PCSK1: variants seen among roughly 807,000 people sequenced by gnomAD.
PCSK1 encodes the protein proprotein convertase subtilisin/kexin type 1.
In PCSK1, 56 loss-of-function variants were observed where a neutral mutation model predicts 90.6. The ratio of observed to expected loss-of-function variants is 0.62; its 90% CI spans 0.50 to 0.77. PCSK1 has a LOEUF of 0.77. Ranked by LOEUF, PCSK1 falls within the 30% of genes least tolerant of loss-of-function variation. The probability of loss-of-function intolerance (pLI) is 0.00; values close to 1 mark genes in which losing one functional copy is unlikely to be tolerated. For missense variants in PCSK1, 801 were observed against 932.6 expected, an observed-to-expected ratio of 0.86 and a Z score of 1.84; for synonymous variants, 348 against 342.4, an observed-to-expected ratio of 1.02 and a Z score of -0.18.
intron 12 of PCSK1, among the ~76,000 whole-genome samples, chr5:96,395,416 C>G (rs1760102070): frequency 6.6e-6 from 1 of 152,114 alleles, no homozygotes; most frequent in African/African-American, 2.4e-5. Context: ...TTAATAAGCC[C>G]TTAAAAATTG....
At chr5:96,413,924 C>G (rs1387900593) in intron 6 of PCSK1, among the ~76,000 whole-genome samples, 10 of 145,484 alleles carry the variant, frequency 6.9e-5, no homozygotes, top group Non-Finnish European at 1.2e-4. Context: ...TCGAGACCAT[C>G]CTGGCTAACA....
At position 96,410,882 on chromosome 5, in the gene PCSK1, G is replaced by C; in HGVS notation, c.987C>G (p.Ile329Met). Residue 329 changes from isoleucine (I) to methionine (M), a missense_variant, in exon 8 of 14, where the codon ATC becomes ATG. Transcript: ENST00000311106. ...CTTGCTGGGAGGCACTGCTGATGGAGATGGTGTAGATGCTGTCTGTGTAGC... is the reference window on the plus strand; with the variant it reads ...CTTGCTGGGAGGCACTGCTGATGGACATGGTGTAGATGCTGTCTGTGTAGC... ...CDGYTDSIYT[I>M]SISSASQQGL... 1.2e-6 allele frequency: 2 copies of C among 1,613,818 alleles called. No homozygotes were observed. Among genetic ancestry groups the C allele is most frequent in the Non-Finnish European group, 1.7e-6 (2 of 1,179,718 alleles).
chr5:96,429,048 T>A (rs1469638972), intron 2 of PCSK1, among the ~76,000 whole-genome samples, 165 bp downstream of exon 2: 1 of 152,124 alleles, frequency 6.6e-6, no homozygotes, highest in Non-Finnish European at 1.5e-5. Context: ...TATTATTATG[T>A]GCCATTATAA....
intron 9 of PCSK1, among the ~76,000 whole-genome samples, chr5:96,401,804 G>C (rs1445973224): frequency 6.6e-6 from 1 of 152,220 alleles, no homozygotes; most frequent in South Asian, 2.1e-4. Flanking sequence ...TATCCATCTT[G>C]TTCTCTGATG....
rs376401160 is a variant in PCSK1 at position 96,412,420 on chromosome 5, G to A, written c.780C>T (p.His260=). ...CCCAGCTTGCACTGTAAATATCCAC[G>A]TGTCCAGGATTGAATCCAATTGAAC... ...EASSIGFNPG[H]VDIYSASWGP... is the part of the protein sequence containing the mutation. The change falls in exon 7 of 14, where the codon CAC becomes CAT. Residue 260 remains histidine, a synonymous_variant. Coordinates refer to ENST00000311106, the MANE Select transcript of PCSK1 (RefSeq NM_000439.5). 95 of 1,613,510 alleles carry A rather than the reference G, an allele frequency of 5.9e-5. No homozygotes were observed. Among genetic ancestry groups the A allele is most frequent in the Non-Finnish European group, 7.4e-5 (87 of 1,179,660 alleles).
chr5:96,408,603 A>G (rs1760651420), intron 8 of PCSK1, among the ~76,000 whole-genome samples: 1 of 152,248 alleles, frequency 6.6e-6, no homozygotes, highest in Admixed American at 6.5e-5. Context: ...AGATTCCCAA[A>G]CGAAATGCTG....
intron 3 of PCSK1, among the ~76,000 whole-genome samples, chr5:96,424,979 T>C (rs866964759): frequency 1.5e-5 from 1 of 65,736 alleles, no homozygotes; most frequent in African/African-American, 6.1e-5. Context: ...AAAAGAAAGA[T>C]AGAAAGAAAG....
rs762998960 is a variant in PCSK1 at position 96,393,280 on chromosome 5, T to A, written c.1983A>T (p.Gly661=). The change falls in exon 14 of 14, where the codon GGA becomes GGT. Residue 661 remains glycine, a synonymous_variant. Transcript: ENST00000311106. The stretch of plus-strand genomic sequence containing the variant: ...GTCGCAGCATGGCCTGGGAAGGGGC[T>A]CCCTCCTCCAACTCATCCCTCCGGC... ...VGGRRDELEE[G]APSQAMLRLL... 1.2e-6 allele frequency: 2 copies of A among 1,613,898 alleles called. No individual in the cohort carries two copies. The highest frequency in any genetic ancestry group is 1.7e-6 in the Non-Finnish European group (2 of 1,179,908).
At chr5:96,414,928 G>A (rs940512759) in intron 6 of PCSK1, among the ~76,000 whole-genome samples, 6 of 152,136 alleles carry the variant, frequency 3.9e-5, no homozygotes, top group Non-Finnish European at 8.8e-5. Flanking sequence ...ATGTCACGAT[G>A]TATATTTATT....
At chr5:96,408,201 T>A in intron 9 of PCSK1, 22 bp downstream of exon 9, 1 of 1,556,710 alleles carries the variant, frequency 6.4e-7, no homozygotes, top group Non-Finnish European at 8.9e-7. Context: ...GTAAAGGTGA[T>A]TAGAAGCTTT....
At chr5:96,429,580 T>C (rs1761427670) in intron 1 of PCSK1, among the ~76,000 whole-genome samples, 2 of 152,162 alleles carry the variant, frequency 1.3e-5, no homozygotes, top group South Asian at 4.1e-4. Flanking sequence ...CCATTAGTTA[T>C]TTTTTTCTGA....
At chr5:96,403,074 A>G (rs544502872) in intron 9 of PCSK1, among the ~76,000 whole-genome samples, 5 of 152,294 alleles carry the variant, frequency 3.3e-5, no homozygotes, top group African/African-American at 1.2e-4. Context: ...GAGGAAGCGT[A>G]CTGAGGAGGC....
At chr5:96,428,543 C>T in intron 2 of PCSK1, among the ~76,000 whole-genome samples, 1 of 152,134 alleles carries the variant, frequency 6.6e-6, no homozygotes, top group East Asian at 1.9e-4. Context: ...CTGCCTCTAC[C>T]TTATTTACCT....
chr5:96,393,260 A>G lies in PCSK1; in HGVS notation c.2003T>C (p.Leu668Pro). ...LEEGAPSQAM[L>P]RLLQSAFSKN... is the part of the protein sequence containing the mutation. ...ACTGAAAGCACTTTGCAGGAGTCGC[A>G]GCATGGCCTGGGAAGGGGCTCCCTC... Residue 668 changes from leucine to proline, a missense_variant, in exon 14 of 14, where the codon CTG becomes CCG. Physicochemically the swap from Leu to Pro is moderately conservative, Grantham distance 98. Transcript: ENST00000311106. 1 of 1,613,968 alleles carries G rather than the reference A, an allele frequency of 6.2e-7. No homozygotes were observed. The highest frequency in any genetic ancestry group is 8.5e-7 in the Non-Finnish European group (1 of 1,179,934).
In PCSK1 at chr5:96,408,333, G is replaced by A. The variant is rs373951075; in HGVS notation, c.1096-10C>T. 591 of 1,605,938 alleles carry A rather than the reference G, an allele frequency of 3.7e-4. No individual in the cohort carries two copies. Among genetic ancestry groups the A allele is most frequent in the African/African-American group, 5.2e-4 (39 of 74,756 alleles). ...GCAGGTCAGCGCTCGTCTGGATGAC[G>A]TCAGGAAGGAGAGAAAGGCAGGGAG... On this transcript the variant is annotated splice_polypyrimidine_tract_variant and intron_variant, in intron 8 of 13. Coordinates refer to ENST00000311106, the MANE Select transcript of PCSK1 (RefSeq NM_000439.5).
chr5:96,425,543 A>G (rs2112444814), intron 3 of PCSK1, among the ~76,000 whole-genome samples: 1 of 152,344 alleles, frequency 6.6e-6, no homozygotes, highest in Non-Finnish European at 1.5e-5. Flanking sequence ...AACCTGCAAG[A>G]TATTATTTTT....
intron 5 of PCSK1, among the ~76,000 whole-genome samples, chr5:96,417,621 CAG>C (rs1346571033): frequency 6.6e-6 from 1 of 152,096 alleles, no homozygotes; most frequent in East Asian, 1.9e-4. Context: ...GAGATGGAAA[CAG>C]AGTGCTTGGT....
chr5:96,412,455 T>C lies in PCSK1; in HGVS notation c.745A>G (p.Ile249Val), dbSNP rs201832233. ...TTGAATCCAATTGAACTGGCCTCAA[T>C]AGCATCCGTCACAATGCCATCCAGC... The part of the protein sequence containing the change: ...RMLDGIVTDA[I>V]EASSIGFNPG... Residue 249 changes from isoleucine (I) to valine (V), a missense_variant, in exon 7 of 14, where the codon ATT (isoleucine) becomes GTT (valine). Physicochemically the swap from Ile to Val is conservative, Grantham distance 29. Coordinates refer to ENST00000311106, the MANE Select transcript of PCSK1 (RefSeq NM_000439.5). 37 of 1,613,946 alleles carry C rather than the reference T, an allele frequency of 2.3e-5. No individual in the cohort carries two copies. Among genetic ancestry groups the C allele is most frequent in the Non-Finnish European group, 3.1e-5 (36 of 1,179,950 alleles).
chr5:96,419,707 C>G (rs1486226333), intron 5 of PCSK1, among the ~76,000 whole-genome samples: 1 of 151,864 alleles, frequency 6.6e-6, no homozygotes, highest in African/African-American at 2.4e-5. Flanking sequence ...AGGCACAAAA[C>G]AAATAGCATT....
Sources: gnomAD v4.1 joint callset for allele counts (sites outside exome capture counted in the v4.1 genomes callset) on GRCh38, gnomAD v4.1.1 for gene constraint, MANE v1.5 for transcripts, NCBI Gene and HGNC (gene_info 2026-07-23, HGNC 2026-07-21) for gene names.